Variants in ZNF710 observed in about 807,000 individuals in gnomAD.
ZNF710 encodes zinc finger protein 710.
A neutral mutation model predicts 50.6 loss-of-function variants in ZNF710; 13 were observed. That is an observed-to-expected ratio of 0.26 (90% confidence interval 0.17 to 0.41). The LOEUF is 0.41. Ranked by LOEUF, ZNF710 falls within the 10% of genes least tolerant of loss-of-function variation. ZNF710 has a pLI of 1.00. For missense variants in ZNF710, 721 were observed against 936.6 expected, an observed-to-expected ratio of 0.77 and a Z score of 3.01; for synonymous variants, 383 against 397.0, an observed-to-expected ratio of 0.96 and a Z score of 0.42.
In ZNF710 at chr15:90,068,368, G is replaced by A. The variant is rs1900262214; in HGVS notation, c.1231G>A (p.Glu411Lys). 8 of 1,612,592 alleles carry A rather than the reference G, an allele frequency of 5.0e-6. No homozygotes were observed. The highest frequency in any genetic ancestry group is 6.8e-6 in the Non-Finnish European group (8 of 1,179,376). The change falls in exon 2 of 5, where the codon GAG (glutamate) becomes AAG (lysine). Residue 411 changes from glutamate (E) to lysine (K), a missense_variant. This residue lies in a region of ZNF710 where 326 missense variants were observed against 522.0 expected (regional missense o/e 0.62). Transcript: ENST00000268154. The surrounding 1 kb of genome is among the most constrained non-coding windows in gnomAD (Gnocchi z 5.0). ...GAGTGGCCGCTGCCATGTCTGCGTC[G>A]AGTGCGGCCTGGACTTCTCCACCCT... ...HESGRCHVCV[E>K]CGLDFSTLTQ...
intron 1 of ZNF710, among the ~76,000 whole-genome samples, chr15:90,039,749 C>T (rs1899241917): frequency 6.6e-6 from 1 of 152,158 alleles, no homozygotes; most frequent in Non-Finnish European, 1.5e-5. Flanking sequence ...CAGCGAGTGG[C>T]ACCTCTTTCA....
chr15:90,074,447 A>G, intron 4 of ZNF710, 157 bp downstream of exon 4: 1 of 1,536,604 alleles, frequency 6.5e-7, no homozygotes. Flanking sequence ...GAAGGCCATG[A>G]TGACAATAAC....
intron 1 of ZNF710, among the ~76,000 whole-genome samples, chr15:90,008,445 T>TATATATACACATATATATATATACAC (rs1567218437): frequency 3.5e-5 from 5 of 142,252 alleles, no homozygotes; most frequent in African/African-American, 1.4e-4. Flanking sequence ...TATATACATA[T>TATATATACACATATATATATATACAC]ATATATATGT....
intron 1 of ZNF710, among the ~76,000 whole-genome samples, chr15:90,033,268 G>A (rs955249567): frequency 6.6e-6 from 1 of 152,204 alleles, no homozygotes; most frequent in African/African-American, 2.4e-5. Flanking sequence ...GCTTGTTGAT[G>A]TTAGATCTGA....
intron 1 of ZNF710, among the ~76,000 whole-genome samples, chr15:90,057,571 C>T (rs2151514552): frequency 6.6e-6 from 1 of 152,070 alleles, no homozygotes; most frequent in East Asian, 1.9e-4. Context: ...GTGGCGCGCT[C>T]CTGTAGTCCC....
At position 90,062,050 on chromosome 15, in the gene ZNF710, C is replaced by T. The variant is rs927960994; in HGVS notation, c.-28-5060C>T. On this transcript the variant is annotated intron_variant, in intron 1 of 4. Transcript: ENST00000268154. The surrounding 1 kb of genome is among the most constrained non-coding windows in gnomAD (Gnocchi z 5.6). Reference sequence around the variant, plus strand: ...CCTCAGGCCTGGGAGGTGGAGGTGCCGAGCCCTGGGAAATAGGGCAGTCCT... The same window carrying T: ...CCTCAGGCCTGGGAGGTGGAGGTGCTGAGCCCTGGGAAATAGGGCAGTCCT... Among the ~76,000 whole-genome samples, 7 of 152,008 alleles carry T rather than the reference C, an allele frequency of 4.6e-5. No individual in the cohort carries two copies. The South Asian group carries it at 1.2e-3, about 27-fold the overall frequency.
chr15:90,054,021 CCCT>C (rs1261293475), intron 1 of ZNF710, among the ~76,000 whole-genome samples: 1 of 152,108 alleles, frequency 6.6e-6, no homozygotes, highest in African/African-American at 2.4e-5. Context: ...GTTTCTTTTT[CCCT>C]CCTTTCTTCC....
rs141884069 is a variant in ZNF710 at position 90,067,875 on chromosome 15, C to G, written c.738C>G (p.Phe246Leu). 6.2e-7 allele frequency: 1 copy of G among 1,608,990 alleles called. No homozygotes were observed. The highest frequency in any genetic ancestry group is 8.5e-7 in the Non-Finnish European group (1 of 1,176,596). Residue 246 changes from phenylalanine (F) to leucine (L), a missense_variant, in exon 2 of 5, where the codon TTC (phenylalanine) becomes TTG (leucine). Phe to Leu is a conservative substitution (Grantham distance 22, BLOSUM62 0). Transcript: ENST00000268154. The surrounding 1 kb of genome is among the most constrained non-coding windows in gnomAD (Gnocchi z 8.1). ...SPEPVKPEQG[F>L]VWQEASEFEA... is the part of the protein sequence containing the mutation. ...AGCCTGTCAAGCCGGAACAGGGCTTCGTGTGGCAGGAGGCCAGTGAGTTCG... is the reference window on the plus strand; with the variant it reads ...AGCCTGTCAAGCCGGAACAGGGCTTGGTGTGGCAGGAGGCCAGTGAGTTCG...
At chr15:90,027,725 G>A (rs1380022429) in intron 1 of ZNF710, among the ~76,000 whole-genome samples, 3 of 151,786 alleles carry the variant, frequency 2.0e-5, no homozygotes, top group Non-Finnish European at 4.4e-5. Context: ...GGTGGTGTGT[G>A]CCTATAGTCC....
At chr15:90,030,281 A>G (rs1268198695) in intron 1 of ZNF710, among the ~76,000 whole-genome samples, 2 of 134,102 alleles carry the variant, frequency 1.5e-5, no homozygotes, top group Non-Finnish European at 3.1e-5. Flanking sequence ...GTGAGCCAAT[A>G]TCACGCCATT....
intron 1 of ZNF710, among the ~76,000 whole-genome samples, chr15:90,012,831 ATTT>A (rs534525187): frequency 6.6e-6 from 1 of 150,914 alleles, no homozygotes; most frequent in Non-Finnish European, 1.5e-5. Context: ...GTGAATGATT[ATTT>A]TTTTTTATTT....
chr15:90,026,456 A>G (rs1898784201), intron 1 of ZNF710, among the ~76,000 whole-genome samples: 1 of 152,144 alleles, frequency 6.6e-6, no homozygotes, highest in African/African-American at 2.4e-5. Flanking sequence ...TTGCCCCTCT[A>G]CCCACCAAAG....
At chr15:90,074,369 G>A (rs1334111977) in intron 4 of ZNF710, 79 bp downstream of exon 4, 1 of 1,591,876 alleles carries the variant, frequency 6.3e-7, no homozygotes, top group Non-Finnish European at 8.5e-7. Flanking sequence ...CCAGTTAGAG[G>A]AGTGGGGAGG....
chr15:90,023,767 G>T (rs1236505088), intron 1 of ZNF710, among the ~76,000 whole-genome samples: 1 of 152,188 alleles, frequency 6.6e-6, no homozygotes, highest in Non-Finnish European at 1.5e-5. Context: ...GGAGGCCAAG[G>T]CAGGTGGATC....
chr15:90,028,938 ACAAGAAGT>A (rs1898855237), intron 1 of ZNF710, among the ~76,000 whole-genome samples: 1 of 152,234 alleles, frequency 6.6e-6, no homozygotes, highest in African/African-American at 2.4e-5. Context: ...GAAGAAATAC[ACAAGAAGT>A]GGTTGCATTA....
At chr15:90,045,925 A>G (rs1899446639) in intron 1 of ZNF710, among the ~76,000 whole-genome samples, 1 of 152,160 alleles carries the variant, frequency 6.6e-6, no homozygotes, top group South Asian at 2.1e-4. Flanking sequence ...TAGAAGGGGC[A>G]CGTCGGGCAG....
At chr15:90,056,199 C>T (rs1251052987) in intron 1 of ZNF710, among the ~76,000 whole-genome samples, 1 of 151,802 alleles carries the variant, frequency 6.6e-6, no homozygotes, top group Non-Finnish European at 1.5e-5. Context: ...CACCTGAGGT[C>T]GGAAGTTCAA....
At chr15:90,073,890 T>G (rs551696127) in intron 3 of ZNF710, among the ~76,000 whole-genome samples, 4 of 144,346 alleles carry the variant, frequency 2.8e-5, no homozygotes, top group Non-Finnish European at 5.9e-5. Context: ...CTCGGGAGAC[T>G]AAGGCAGGAG....
intron 1 of ZNF710, among the ~76,000 whole-genome samples, chr15:90,050,910 AC>A (rs1165033301): frequency 1.3e-5 from 2 of 152,142 alleles, no homozygotes; most frequent in Non-Finnish European, 2.9e-5. Flanking sequence ...AGCACCCAGC[AC>A]CAGCCTGGCC....
Sources: allele counts gnomAD v4.1 joint callset (sites outside exome capture counted in the v4.1 genomes callset), GRCh38; gene constraint gnomAD v4.1.1; regional missense constraint gnomAD v4.1.1; non-coding constraint Gnocchi (gnomAD v3.1); transcripts MANE v1.5; gene names NCBI Gene and HGNC (gene_info 2026-07-23, HGNC 2026-07-21).